Variants in ECE1 observed in about 807,000 individuals in gnomAD.
ECE1 encodes endothelin-converting enzyme 1.
A neutral mutation model predicts 98.6 loss-of-function variants in ECE1; 35 were observed. The observed-to-expected ratio is 0.35, with a 90% CI of 0.27 to 0.47. ECE1 has a LOEUF of 0.47. Ranked by LOEUF, ECE1 falls within the 20% of genes least tolerant of loss-of-function variation. ECE1 has a pLI of 1.00. For synonymous variants in ECE1, 394 were observed against 407.1 expected (o/e 0.97, Z 0.39); for missense variants, 814 against 1,025.3 (o/e 0.79, Z 2.81).
At position 21,228,054 on chromosome 1, in the gene ECE1, C is replaced by T; in HGVS notation, c.1671-13G>A. ...GGTCATGCTCCACCTGCAAGCAACA[C>T]ACATGCAGGAGGTCTCAGCACAGGG... is the stretch of plus-strand genomic sequence containing the variant. On this transcript the variant is annotated splice_polypyrimidine_tract_variant and intron_variant, in intron 14 of 18. Coordinates refer to ENST00000374893, the MANE Select transcript of ECE1 (RefSeq NM_001397.3). 1 of 1,550,466 alleles carries T rather than the reference C, an allele frequency of 6.4e-7. No homozygotes were observed. The highest frequency in any genetic ancestry group is 1.9e-5 in the Admixed American group (1 of 51,484).
chr1:21,317,787 A>T (rs1368711463), intron 1 of ECE1, among the ~76,000 whole-genome samples: 1 of 152,204 alleles, frequency 6.6e-6, no homozygotes, highest in Non-Finnish European at 1.5e-5. Flanking sequence ...CTGGAGACGC[A>T]CGAGTGGGTC....
At chr1:21,333,465 G>A (rs114341929) in intron 1 of ECE1, among the ~76,000 whole-genome samples, 1,971 of 152,220 alleles carry the variant, frequency 0.013, 36 homozygotes, top group African/African-American at 0.045. Flanking sequence ...CTCCCTAACC[G>A]CGTTCATCAG....
chr1:21,338,855 A>G (rs558211691), intron 1 of ECE1, among the ~76,000 whole-genome samples: 3 of 152,292 alleles, frequency 2.0e-5, no homozygotes, highest in Non-Finnish European at 2.9e-5. Flanking sequence ...GTAAATATTG[A>G]CATGACTGTG....
intron 3 of ECE1, among the ~76,000 whole-genome samples, chr1:21,278,291 G>A (rs1351082701): frequency 6.6e-6 from 1 of 152,224 alleles, no homozygotes; most frequent in Non-Finnish European, 1.5e-5. Context: ...TCAACTCTGT[G>A]TGAGGCAGCT....
chr1:21,324,396 C>T (rs1639031198), intron 1 of ECE1, among the ~76,000 whole-genome samples: 1 of 152,226 alleles, frequency 6.6e-6, no homozygotes, highest in Non-Finnish European at 1.5e-5. Context: ...CTGACAGGGA[C>T]ACTCCACCCA....
intron 3 of ECE1, among the ~76,000 whole-genome samples, chr1:21,278,149 G>A (rs1198485079): frequency 6.6e-6 from 1 of 152,244 alleles, no homozygotes; most frequent in Non-Finnish European, 1.5e-5. Context: ...TGCTCAACTA[G>A]GTGAACCATC....
At chr1:21,239,097 T>G (rs1196833904) in intron 10 of ECE1, among the ~76,000 whole-genome samples, 1 of 151,402 alleles carries the variant, frequency 6.6e-6, no homozygotes, top group Non-Finnish European at 1.5e-5. Context: ...CTTCCCAGAG[T>G]GCTGAGATTA....
At chr1:21,251,954 A>G (rs1204637097) in intron 8 of ECE1, among the ~76,000 whole-genome samples, 1 of 152,172 alleles carries the variant, frequency 6.6e-6, no homozygotes, top group Non-Finnish European at 1.5e-5. Flanking sequence ...CATTTCTGTG[A>G]CTACAAAAAC....
chr1:21,329,714 G>A (rs1639155704), intron 1 of ECE1, among the ~76,000 whole-genome samples: 1 of 152,188 alleles, frequency 6.6e-6, no homozygotes, highest in South Asian at 2.1e-4. Context: ...AGAACTGAGG[G>A]TAGAATCTGT....
chr1:21,242,348 T>C (rs1461606562), intron 10 of ECE1, among the ~76,000 whole-genome samples: 2 of 152,174 alleles, frequency 1.3e-5, no homozygotes. Flanking sequence ...CTGCTTCCCA[T>C]GCTCTATGCT....
At chr1:21,308,367 C>G (rs1049683559) in intron 1 of ECE1, among the ~76,000 whole-genome samples, 3 of 152,138 alleles carry the variant, frequency 2.0e-5, no homozygotes, top group Non-Finnish European at 4.4e-5. Flanking sequence ...GTGTAGGACC[C>G]CCAGGGGTTG....
chr1:21,263,113 G>A (rs188978863), intron 4 of ECE1, among the ~76,000 whole-genome samples: 10 of 152,262 alleles, frequency 6.6e-5, no homozygotes, highest in Admixed American at 3.3e-4. Flanking sequence ...TTTGAGCTTC[G>A]GGCTGAAGGA....
intron 1 of ECE1, among the ~76,000 whole-genome samples, chr1:21,334,886 C>T (rs1355229559): frequency 6.6e-6 from 1 of 152,062 alleles, no homozygotes; most frequent in Non-Finnish European, 1.5e-5. Flanking sequence ...TCCTGCCTCC[C>T]TCCTGCCCCC....
intron 1 of ECE1, among the ~76,000 whole-genome samples, chr1:21,317,133 G>C (rs1638847105): frequency 6.6e-6 from 1 of 152,308 alleles, no homozygotes; most frequent in Non-Finnish European, 1.5e-5. Flanking sequence ...TTACATACCA[G>C]TGTTTGGTTT....
chr1:21,306,399 T>C (rs1382883411), intron 1 of ECE1, among the ~76,000 whole-genome samples: 2 of 151,664 alleles, frequency 1.3e-5, no homozygotes. Context: ...TGCAATGGCG[T>C]GATCTCAGCT....
At chr1:21,251,265 C>A (rs1334082850) in intron 8 of ECE1, among the ~76,000 whole-genome samples, 1 of 152,180 alleles carries the variant, frequency 6.6e-6, no homozygotes, top group Non-Finnish European at 1.5e-5. Context: ...TAAATCCCAG[C>A]ACTTTGGGAG....
At chr1:21,272,947 A>G in intron 3 of ECE1, 36 bp from the exon 4 acceptor site, 4 of 1,611,854 alleles carry the variant, frequency 2.5e-6, no homozygotes, top group South Asian at 2.2e-5. Context: ...AGTGAAGGGC[A>G]GGCAGGGAAG....
chr1:21,221,702 A>T (rs775231054), intron 18 of ECE1, 45 bp downstream of exon 18: 1 of 1,594,856 alleles, frequency 6.3e-7, no homozygotes, highest in South Asian at 1.1e-5. Context: ...AAACATCAAG[A>T]TGGCAGAATG....
At chr1:21,237,780 T>C (rs1252345995) in intron 11 of ECE1, among the ~76,000 whole-genome samples, 2 of 152,184 alleles carry the variant, frequency 1.3e-5, no homozygotes, top group Non-Finnish European at 2.9e-5. Context: ...AGAACAAACC[T>C]GTCACCCACA....
Sources: allele counts gnomAD v4.1 joint callset (sites outside exome capture counted in the v4.1 genomes callset), GRCh38; gene constraint gnomAD v4.1.1; transcripts MANE v1.5; gene names NCBI Gene and HGNC (gene_info 2026-07-23, HGNC 2026-07-21).